LRRC8B: variants seen among roughly 807,000 people sequenced by gnomAD.
LRRC8B encodes leucine rich repeat containing 8 VRAC subunit B.
A neutral mutation model predicts 58.8 loss-of-function variants in LRRC8B; 23 were observed. The observed-to-expected ratio is 0.39, with a 90% confidence interval of 0.28 to 0.55. LRRC8B has a LOEUF of 0.55. Among genes scored for constraint, LRRC8B ranks in the 20% least tolerant of loss-of-function variants. The probability of loss-of-function intolerance (pLI) is 0.62; values close to 1 mark genes in which losing one functional copy is unlikely to be tolerated. For synonymous variants in LRRC8B, 359 were observed against 374.1 expected, an observed-to-expected ratio of 0.96 and a Z score of 0.47; for missense variants, 694 against 936.0, an observed-to-expected ratio of 0.74 and a Z score of 3.37.
intron 1 of LRRC8B, among the ~76,000 whole-genome samples, chr1:89,543,406 A>G (rs1176574345): frequency 1.3e-5 from 2 of 152,212 alleles, no homozygotes; most frequent in African/African-American, 4.8e-5. Flanking sequence ...CATGAAGGTA[A>G]CAAACGCCAG....
At chr1:89,567,277 G>A (rs1653117136) in intron 1 of LRRC8B, among the ~76,000 whole-genome samples, 1 of 152,294 alleles carries the variant, frequency 6.6e-6, no homozygotes, top group Admixed American at 6.5e-5. Context: ...GATAAGTTTA[G>A]TTACAGTTTC....
chr1:89,541,074 T>G (rs1254419524), intron 1 of LRRC8B, among the ~76,000 whole-genome samples: 1 of 152,212 alleles, frequency 6.6e-6, no homozygotes, highest in Admixed American at 6.5e-5. Flanking sequence ...TTCTAAACAT[T>G]TATGTCTTCT....
At chr1:89,574,383 G>A (rs1011304142) in intron 3 of LRRC8B, among the ~76,000 whole-genome samples, 11 of 152,244 alleles carry the variant, frequency 7.2e-5, no homozygotes, top group African/African-American at 2.7e-4. Context: ...GAGACCAGGT[G>A]TCAGTGAAGG....
In LRRC8B at chr1:89,584,706, C is replaced by G. The variant is rs1654500918; in HGVS notation, c.2056C>G (p.Leu686Val). The G allele has an allele frequency of 6.2e-7, 1 of 1,613,966 alleles. No individual in the cohort carries two copies. Among genetic ancestry groups the G allele is most frequent in the Non-Finnish European group, 8.5e-7 (1 of 1,179,970 alleles). Residue 686 changes from leucine (L) to valine (V), a missense_variant, in exon 5 of 6, where the codon CTA becomes GTA. Physicochemically the swap from Leu to Val is conservative, Grantham distance 32. Coordinates refer to ENST00000330947, the MANE Select transcript of LRRC8B (RefSeq NM_001369817.2). ...FLCTKLHYLD[L>V]SYNHLTFIPE... Reference sequence around the variant, plus strand: ...ATGCACTAAACTACATTATTTGGATCTAAGCTATAACCACTTGACCTTCAT... The same window carrying G: ...ATGCACTAAACTACATTATTTGGATGTAAGCTATAACCACTTGACCTTCAT...
At chr1:89,550,459 G>C (rs1271190473) in intron 1 of LRRC8B, among the ~76,000 whole-genome samples, 2 of 152,098 alleles carry the variant, frequency 1.3e-5, no homozygotes, top group African/African-American at 2.4e-5. Flanking sequence ...ATTAGGTCTG[G>C]ACCTAAATGG....
At chr1:89,573,161 G>A (rs12118464) in intron 3 of LRRC8B, among the ~76,000 whole-genome samples, 57,326 of 151,810 alleles carry the variant, frequency 0.38, 13,030 homozygotes, top group South Asian at 0.55. Flanking sequence ...TTAGCCGGGC[G>A]TGGTGGCAGG....
At chr1:89,564,070 G>A (rs953674319) in intron 1 of LRRC8B, among the ~76,000 whole-genome samples, 4 of 152,220 alleles carry the variant, frequency 2.6e-5, no homozygotes, top group African/African-American at 4.8e-5. Context: ...CATTGTAATC[G>A]GTATGTCTGG....
chr1:89,564,637 T>C (rs940907050), intron 1 of LRRC8B, among the ~76,000 whole-genome samples: 1 of 152,198 alleles, frequency 6.6e-6, no homozygotes, highest in African/African-American at 2.4e-5. Flanking sequence ...TTATTGAGAC[T>C]GTTAGTGTCA....
intron 1 of LRRC8B, among the ~76,000 whole-genome samples, chr1:89,562,383 T>C (rs1266566900): frequency 2.0e-5 from 3 of 152,106 alleles, no homozygotes; most frequent in East Asian, 3.9e-4. Flanking sequence ...TCAATTGTTA[T>C]TTTAGGAAAA....
At chr1:89,571,572 A>G (rs1272500345) in intron 3 of LRRC8B, among the ~76,000 whole-genome samples, 2 of 152,156 alleles carry the variant, frequency 1.3e-5, no homozygotes, top group Admixed American at 1.3e-4. Flanking sequence ...TGCTGAAGTT[A>G]CCAGCTTAAG....
chr1:89,585,006 C>G (rs970278792), intron 5 of LRRC8B, among the ~76,000 whole-genome samples: 1 of 152,176 alleles, frequency 6.6e-6, no homozygotes, highest in Non-Finnish European at 1.5e-5. Flanking sequence ...TGGCACAGTT[C>G]CTGGCACATA....
chr1:89,583,148 C>T lies in LRRC8B; in HGVS notation c.498C>T (p.Thr166=), dbSNP rs1301802512. 3 of 1,614,076 alleles carry T rather than the reference C, an allele frequency of 1.9e-6. No homozygotes were observed. Among genetic ancestry groups the T allele is most frequent in the Admixed American group, 1.7e-5 (1 of 60,002 alleles). The change falls in exon 5 of 6, where the codon ACC becomes ACT. Residue 166 remains threonine, a synonymous_variant. Coordinates refer to ENST00000330947, the MANE Select transcript of LRRC8B (RefSeq NM_001369817.2). The surrounding 1 kb of genome is among the most constrained non-coding windows in gnomAD (Gnocchi z 5.2). ...LHKCFDSPWT[T]RALSETVAEQ... ...AGTGCTTCGATTCTCCATGGACCAC[C>T]CGCGCCCTTTCAGAAACAGTGGCTG...
At chr1:89,536,245 G>A (rs1374015122) in intron 1 of LRRC8B, among the ~76,000 whole-genome samples, 1 of 152,224 alleles carries the variant, frequency 6.6e-6, no homozygotes, top group Non-Finnish European at 1.5e-5. Flanking sequence ...CATGGAAACT[G>A]AGTTCCTCAG....
At chr1:89,559,617 T>A (rs10922662) in intron 1 of LRRC8B, among the ~76,000 whole-genome samples, 53,095 of 119,474 alleles carry the variant, frequency 0.44, 10,874 homozygotes, top group East Asian at 0.7. Flanking sequence ...AAAAAAAAAA[T>A]ATATATATAT....
In LRRC8B at chr1:89,582,839, C is replaced by A; in HGVS notation, c.189C>A (p.Asp63Glu). Reference protein sequence around the residue: ...LCCLPCKVEFDNHCAVPWDIL... With the variant: ...LCCLPCKVEFENHCAVPWDIL... Reference sequence around the variant, plus strand: ...GTCTTCCATGCAAAGTGGAATTTGACAATCACTGTGCCGTGCCTTGGGACA... The same window carrying A: ...GTCTTCCATGCAAAGTGGAATTTGAAAATCACTGTGCCGTGCCTTGGGACA... Residue 63 changes from aspartate (D) to glutamate (E), a missense_variant, in exon 5 of 6, where the codon GAC becomes GAA. Asp to Glu is a conservative substitution (Grantham distance 45, BLOSUM62 2). Transcript: ENST00000330947. The A allele has an allele frequency of 1.2e-6, 2 of 1,614,212 alleles. No individual in the cohort carries two copies. Among genetic ancestry groups the A allele is most frequent in the Non-Finnish European group, 1.7e-6 (2 of 1,180,040 alleles).
At chr1:89,525,241 G>T (rs906043183) in intron 1 of LRRC8B, among the ~76,000 whole-genome samples, 7 of 152,230 alleles carry the variant, frequency 4.6e-5, no homozygotes, top group Non-Finnish European at 8.8e-5. Context: ...GAGAGACGGA[G>T]TCCCACGCTG....
At position 89,556,238 on chromosome 1, in the gene LRRC8B, C is replaced by T. The variant is rs557416811; in HGVS notation, c.-240-12009C>T. 8.5e-5 allele frequency among the ~76,000 whole-genome samples: 13 copies of T among 152,218 alleles called. No individual in the cohort carries two copies. In the East Asian group the frequency reaches 2.5e-3, roughly 29 times the overall value. On this transcript the variant is annotated intron_variant, in intron 1 of 5. Transcript: ENST00000330947. ...CCAGGTTGGTGAACACATCGAAGTG[C>T]TGGGAGGGTGGTGAGGTTGGAAAGA...
At chr1:89,571,115 C>T (rs1310798073) in intron 3 of LRRC8B, among the ~76,000 whole-genome samples, 1 of 152,020 alleles carries the variant, frequency 6.6e-6, no homozygotes, top group African/African-American at 2.4e-5. Flanking sequence ...TTATTGTAGC[C>T]CTGTAGTATA....
intron 1 of LRRC8B, among the ~76,000 whole-genome samples, chr1:89,543,463 A>G (rs1557596645): frequency 6.6e-6 from 1 of 152,078 alleles, no homozygotes; most frequent in Non-Finnish European, 1.5e-5. Context: ...TACAAGAAAA[A>G]ATTTATTCTA....
Sources: gnomAD v4.1 joint callset for allele counts (sites outside exome capture counted in the v4.1 genomes callset) on GRCh38, gnomAD v4.1.1 for gene constraint, Gnocchi (gnomAD v3.1) non-coding constraint, MANE v1.5 for transcripts, NCBI Gene and HGNC (gene_info 2026-07-23, HGNC 2026-07-21) for gene names.